The following GDI2 variants were observed in gnomAD, a reference collection of about 807,000 sequenced individuals.
GDI2 encodes rab GDP dissociation inhibitor beta.
Under a neutral mutation model 54.2 loss-of-function variants are expected in GDI2, and 22 were observed. The observed-to-expected ratio is 0.41, with a 90% confidence interval of 0.29 to 0.58. GDI2 has a LOEUF of 0.58. Ranked by LOEUF, GDI2 falls within the 20% of genes least tolerant of loss-of-function variation. The pLI is 0.35. For synonymous variants in GDI2, 177 were observed against 182.1 expected (o/e 0.97, Z 0.23); for missense variants, 422 against 546.0 (o/e 0.77, Z 2.26).
intron 3 of GDI2, among the ~76,000 whole-genome samples, chr10:5,795,893 C>T (rs1192279944): frequency 6.6e-6 from 1 of 152,040 alleles, no homozygotes; most frequent in Non-Finnish European, 1.5e-5. Flanking sequence ...TACACTCCAG[C>T]CTGGGTGACA....
chr10:5,811,955 A>C, intron 1 of GDI2: 1 of 998,358 alleles, frequency 1.0e-6, no homozygotes, highest in Non-Finnish European at 1.3e-6. Flanking sequence ...TTGGGATGTT[A>C]CCTGTAAAAA....
chr10:5,799,007 TAAGAA>T lies in GDI2; in HGVS notation c.153+1586_153+1590del, dbSNP rs1472129403. Reference sequence around the variant, plus strand: ...AAATAAAAATAAAATAAAACAAAATTAAGAAAAGAAAAAAATTGTGAGGAGATTTG... The same window carrying T: ...AAATAAAAATAAAATAAAACAAAATTAAGAAAAAAATTGTGAGGAGATTTG... On this transcript the variant is annotated intron_variant, in intron 2 of 10. Coordinates refer to ENST00000380191, the MANE Select transcript of GDI2 (RefSeq NM_001494.4). Among the ~76,000 whole-genome samples, 6 of 151,022 alleles carry T rather than the reference TAAGAA, an allele frequency of 4.0e-5. No individual in the cohort carries two copies. In the East Asian group the frequency reaches 1.2e-3, roughly 29 times the overall value.
chr10:5,804,483 C>T (rs1480204507), intron 1 of GDI2, among the ~76,000 whole-genome samples: 1 of 152,162 alleles, frequency 6.6e-6, no homozygotes, highest in African/African-American at 2.4e-5. Context: ...CCACCACCAT[C>T]CCCCAGCACT....
At chr10:5,772,257 G>T (rs961425047) in intron 7 of GDI2, among the ~76,000 whole-genome samples, 1 of 152,180 alleles carries the variant, frequency 6.6e-6, no homozygotes, top group Non-Finnish European at 1.5e-5. Flanking sequence ...GACCTGGATG[G>T]TAAACAGTGC....
chr10:5,776,516 A>C lies in GDI2; in HGVS notation c.720-2575T>G. The C allele has an allele frequency of 7.0e-7, 1 of 1,426,336 alleles. No individual in the cohort carries two copies. Among genetic ancestry groups the C allele is most frequent in the Non-Finnish European group, 9.9e-7 (1 of 1,013,058 alleles). 88.4% of individuals were successfully genotyped at this position (1,426,336 alleles called of 1,614,324 possible). On this transcript the variant is annotated intron_variant, in intron 6 of 10. Transcript: ENST00000380191. The surrounding 1 kb of genome is among the most constrained non-coding windows in gnomAD (Gnocchi z 5.3). The stretch of plus-strand genomic sequence containing the variant: ...GAAGCAAAGGCCCGAAAGATAAAAC[A>C]ATTATAGAGAAGCAGATTTGAAGAG...
chr10:5,798,189 A>C (rs1841189999), intron 2 of GDI2, among the ~76,000 whole-genome samples: 1 of 152,242 alleles, frequency 6.6e-6, no homozygotes, highest in Admixed American at 6.5e-5. Flanking sequence ...ATTGAAATGA[A>C]GCTCAGATTT....
chr10:5,783,463 T>G (rs918668169), intron 6 of GDI2, among the ~76,000 whole-genome samples: 16 of 152,172 alleles, frequency 1.1e-4, no homozygotes, highest in African/African-American at 3.9e-4. Flanking sequence ...AGTATTGAGA[T>G]TTGAGGTACT....
intron 1 of GDI2, among the ~76,000 whole-genome samples, chr10:5,807,143 A>C (rs1333950993): frequency 1.9e-4 from 29 of 152,222 alleles, no homozygotes. Context: ...CTGCTAAAAG[A>C]ATATATAATA....
Position 5,776,676 on chromosome 10 carries a change from C to A in GDI2, c.720-2735G>T. 1 of 1,470,988 alleles carries A rather than the reference C, an allele frequency of 6.8e-7. No homozygotes were observed. Among genetic ancestry groups the A allele is most frequent in the South Asian group, 1.1e-5 (1 of 87,056 alleles). The allele number at this position is 1,470,988 out of a possible 1,614,324, so 91.1% of individuals were successfully genotyped here. On this transcript the variant is annotated intron_variant, in intron 6 of 10. Transcript: ENST00000380191. This position sits in a 1 kb window ranked among gnomAD's most constrained non-coding sequence, Gnocchi z 5.3. ...GTAGATGCTGATTTTGTAGAAAAGT[C>A]AGAGTTATGGAGCTTGCCGCCACAT...
chr10:5,781,201 C>T lies in GDI2; in HGVS notation c.719+3941G>A, dbSNP rs556456618. Reference sequence around the variant, plus strand: ...AAAAAAAAAAGAACCTCAAGTCTTACCTCATCCCACACACCAACACTGTCT... The same window carrying T: ...AAAAAAAAAAGAACCTCAAGTCTTATCTCATCCCACACACCAACACTGTCT... On this transcript the variant is annotated intron_variant, in intron 6 of 10. Transcript: ENST00000380191. 8.6e-5 allele frequency among the ~76,000 whole-genome samples: 13 copies of T among 150,918 alleles called. No individual in the cohort carries two copies. The South Asian group carries it at 2.5e-3, about 29-fold the overall frequency.
chr10:5,811,016 A>G (rs1841471602), intron 1 of GDI2, among the ~76,000 whole-genome samples: 2 of 152,354 alleles, frequency 1.3e-5, no homozygotes, highest in East Asian at 3.9e-4. Flanking sequence ...CTCAGGCACT[A>G]AAGTAAATTT....
chr10:5,792,849 T>C (rs1841046833), intron 4 of GDI2, among the ~76,000 whole-genome samples: 1 of 142,916 alleles, frequency 7.0e-6, no homozygotes, highest in South Asian at 2.2e-4. Flanking sequence ...TCAGAGAAAA[T>C]AAAACTGCCA....
At position 5,800,606 on chromosome 10, in the gene GDI2, A is replaced by G. The variant is rs749364473; in HGVS notation, c.145T>C (p.Leu49=). 113 of 1,485,920 alleles carry G rather than the reference A, an allele frequency of 7.6e-5. No homozygotes were observed. Among genetic ancestry groups the G allele is most frequent in the Non-Finnish European group, 9.5e-5 (101 of 1,063,086 alleles). 92.0% of individuals were successfully genotyped at this position (1,485,920 alleles called of 1,614,324 possible). ...ATTTGACTAACACTTACATCTTCCA[A>G]TGGTGTTATAGATGCACTCTCTCCT... ...YGGESASITP[L]EDLYKRFKIP... Residue 49 remains leucine (L), a synonymous_variant, in exon 2 of 11, where the codon TTG becomes CTG. Transcript: ENST00000380191.
At position 5,785,269 on chromosome 10, in the gene GDI2, A is replaced by C; in HGVS notation, c.592T>G (p.Leu198Val). ...ALALYRTDDY[L>V]DQPCYETINR... Reference sequence around the variant, plus strand: ...ATGGTTTCATAACACGGTTGATCTAAGTAACTGGAAGAAAGGAAATGAGTA... The same window carrying C: ...ATGGTTTCATAACACGGTTGATCTACGTAACTGGAAGAAAGGAAATGAGTA... The change falls in exon 6 of 11, where the codon TTA becomes GTA. Residue 198 changes from leucine to valine, a missense_variant. Leu to Val is a conservative substitution (Grantham distance 32). Transcript: ENST00000380191. 2 of 1,588,958 alleles carry C rather than the reference A, an allele frequency of 1.3e-6. No individual in the cohort carries two copies. Among genetic ancestry groups the C allele is most frequent in the Non-Finnish European group, 1.7e-6 (2 of 1,160,868 alleles).
chr10:5,780,351 C>T (rs550786749), intron 6 of GDI2, among the ~76,000 whole-genome samples: 20 of 150,248 alleles, frequency 1.3e-4, no homozygotes, highest in South Asian at 6.3e-4. Context: ...CTAGATTCCC[C>T]GTAAAACTGG....
At chr10:5,771,016 C>CA (rs35350509) in intron 7 of GDI2, among the ~76,000 whole-genome samples, 43,822 of 113,382 alleles carry the variant, frequency 0.39, 7,110 homozygotes, top group Non-Finnish European at 0.44. Flanking sequence ...TACTTTATCA[C>CA]AAAAAAAAAA....
chr10:5,786,387 A>T (rs1400683038), intron 4 of GDI2, among the ~76,000 whole-genome samples: 11 of 151,856 alleles, frequency 7.2e-5, no homozygotes. Flanking sequence ...GGCTGGTCTC[A>T]AACTCCTGAC....
At chr10:5,810,751 C>T (rs1841466591) in intron 1 of GDI2, among the ~76,000 whole-genome samples, 2 of 152,250 alleles carry the variant, frequency 1.3e-5, no homozygotes, top group Non-Finnish European at 2.9e-5. Context: ...TTTAGTTCCT[C>T]AGAAAATTCA....
intron 1 of GDI2, among the ~76,000 whole-genome samples, chr10:5,802,504 C>T (rs1475880953): frequency 6.6e-6 from 1 of 151,712 alleles, no homozygotes; most frequent in Non-Finnish European, 1.5e-5. Context: ...GAGGCTGAGG[C>T]AGGAGAATCG....
Sources: gnomAD v4.1 joint callset for allele counts (sites outside exome capture counted in the v4.1 genomes callset) on GRCh38, gnomAD v4.1.1 for gene constraint, Gnocchi (gnomAD v3.1) non-coding constraint, MANE v1.5 for transcripts, NCBI Gene and HGNC (gene_info 2026-07-23, HGNC 2026-07-21) for gene names.